The following ZBTB8B variants were observed in gnomAD, a reference collection of about 807,000 sequenced individuals.
ZBTB8B encodes the protein zinc finger and BTB domain-containing protein 8B.
ZBTB8B carries 17 observed loss-of-function variants against 30.3 expected under a neutral mutation model. That is an observed-to-expected ratio of 0.56 (90% CI 0.38 to 0.84). The LOEUF is 0.84. Ranked by LOEUF, ZBTB8B falls within the 40% of genes least tolerant of loss-of-function variation. The probability of loss-of-function intolerance (pLI) is 0.00; values close to 1 mark genes in which losing one functional copy is unlikely to be tolerated. For missense variants in ZBTB8B, 515 were observed against 644.9 expected (o/e 0.80, Z 2.18); for synonymous variants, 248 against 255.6 (o/e 0.97, Z 0.28).
rs536893375 is a variant in ZBTB8B at position 32,471,014 on chromosome 1, G to A, written c.390G>A (p.Lys130=). 2.9e-4 allele frequency: 451 copies of A among 1,552,080 alleles called. No homozygotes were observed. In the African/African-American group the frequency reaches 5.2e-3, roughly 18 times the overall value. ...TCGACATTTGCCGAAAGATGGAGAA[G>A]GAGGCTGCTGTGGCTGCAGCAGTGG... ...SSLDICRKME[K]EAAVAAAVAA... The change falls in exon 2 of 4, where the codon AAG becomes AAA. Residue 130 remains lysine, a synonymous_variant. Coordinates refer to ENST00000609129, the MANE Select transcript of ZBTB8B (RefSeq NM_001145720.2).
rs1161390191 is a variant in ZBTB8B, at chr1:32,484,676, G to T, written c.1171-425G>T. Among the ~76,000 whole-genome samples the T allele has an allele frequency of 6.6e-6, 1 of 152,068 alleles. No homozygotes were observed. The highest frequency in any genetic ancestry group is 1.5e-5 in the Non-Finnish European group (1 of 68,024). ...TCATGGTTTAACGCCATCCCTACTT[G>T]GTGCTGTCATCGTGATAGTGAGTTT... is the stretch of plus-strand genomic sequence containing the variant. On this transcript the variant is annotated intron_variant, in intron 3 of 3. Coordinates refer to ENST00000609129, the MANE Select transcript of ZBTB8B (RefSeq NM_001145720.2). This position sits in a 1 kb window ranked among gnomAD's most constrained non-coding sequence, Gnocchi z 4.5.
intron 3 of ZBTB8B, among the ~76,000 whole-genome samples, chr1:32,482,669 CAAAAA>C (rs1050028688): frequency 2.5e-5 from 1 of 40,078 alleles, no homozygotes; most frequent in Non-Finnish European, 4.9e-5. Flanking sequence ...GACTCCGTGT[CAAAAA>C]AAAAAAAAAA....
At chr1:32,483,416 C>T (rs12049448) in intron 3 of ZBTB8B, among the ~76,000 whole-genome samples, 3 of 151,588 alleles carry the variant, frequency 2.0e-5, no homozygotes, top group South Asian at 2.1e-4. Flanking sequence ...CAGAGCAAGA[C>T]GGCGTCTCAA....
rs1471751029 is a variant in ZBTB8B at position 32,478,006 on chromosome 1, G to A, written c.992-2885G>A. ...TGGGAGACGGAGGTTGCAGTGAGCC[G>A]AGACTGTGCCATTGTACTCCAGCCT... On this transcript the variant is annotated intron_variant, in intron 2 of 3. Coordinates refer to ENST00000609129, the MANE Select transcript of ZBTB8B (RefSeq NM_001145720.2). Among the ~76,000 whole-genome samples, 16 of 149,296 alleles carry A rather than the reference G, an allele frequency of 1.1e-4. No homozygotes were observed. In the East Asian group the frequency reaches 2.4e-3, roughly 23 times the overall value.
Position 32,471,179 on chromosome 1 carries a change from C to A in ZBTB8B, c.555C>A (p.Ser185Arg), listed in dbSNP as rs976866374. The change falls in exon 2 of 4, where the codon AGC becomes AGA. Residue 185 changes from serine to arginine, a missense_variant. Physicochemically the swap from Ser to Arg is moderately radical, Grantham distance 110 (BLOSUM62 -1). This residue lies in a region of ZBTB8B where 429 missense variants were observed against 504.3 expected (regional missense o/e 0.85). Transcript: ENST00000609129. ...CCTCTCCAGCCGAGGGAGAAAAGAG[C>A]GTGGAGTGCCTGAGAGAGTCCCCTT... ...LVSSPAEGEK[S>R]VECLRESPCG... 1.5e-4 allele frequency: 228 copies of A among 1,551,864 alleles called. No individual in the cohort carries two copies. In the East Asian group the frequency reaches 5.2e-3, roughly 35 times the overall value.
At chr1:32,467,352 A>G (rs759659435) in intron 1 of ZBTB8B, among the ~76,000 whole-genome samples, 6 of 151,578 alleles carry the variant, frequency 4.0e-5, no homozygotes, top group Non-Finnish European at 8.8e-5. Context: ...CCTGGGTTCA[A>G]GTGATTCTCC....
intron 3 of ZBTB8B, among the ~76,000 whole-genome samples, chr1:32,482,588 T>C (rs1181334087): frequency 6.7e-6 from 1 of 149,516 alleles, no homozygotes; most frequent in Non-Finnish European, 1.5e-5. Context: ...GGAGAACTGC[T>C]TGAACCCGGG....
chr1:32,466,706 A>C (rs369084078), intron 1 of ZBTB8B, among the ~76,000 whole-genome samples: 4 of 152,302 alleles, frequency 2.6e-5, no homozygotes, highest in African/African-American at 9.6e-5. Context: ...AAGAAAGCCA[A>C]AAGAAATTGG....
rs1419396962 is a variant in ZBTB8B, at chr1:32,487,423, C to T, written c.*2005C>T. On this transcript the variant is annotated 3_prime_UTR_variant, in exon 4 of 4. Transcript: ENST00000609129. ...TTCTTGAGTGAGGTATGGACCAGTT[C>T]AGTTCTGGTCAGCTAGAGGGCCACA... 6.6e-6 allele frequency: 1 copy of T among 152,250 alleles called. No homozygotes were observed. Among genetic ancestry groups the T allele is most frequent in the Non-Finnish European group, 1.5e-5 (1 of 68,070 alleles). 9.4% of individuals were successfully genotyped at this position (152,250 alleles called of 1,614,324 possible).
In ZBTB8B at chr1:32,470,575, T is replaced by A; in HGVS notation, c.-41-9T>A. 2.2e-6 allele frequency: 3 copies of A among 1,365,080 alleles called. No homozygotes were observed. The highest frequency in any genetic ancestry group is 3.2e-5 in the East Asian group (1 of 31,726). The allele number at this position is 1,365,080 out of a possible 1,614,324, so 84.6% of individuals were successfully genotyped here. A position where few individuals can be genotyped will look rare whatever the true frequency, so the allele number is the denominator to read the frequency against. On this transcript the variant is annotated splice_polypyrimidine_tract_variant and intron_variant, in intron 1 of 3. Coordinates refer to ENST00000609129, the MANE Select transcript of ZBTB8B (RefSeq NM_001145720.2). ...GATTTGTGAATTAACTTAAGAAAAATCTTGGCAGAGATACAGGTTTGCTCT... is the reference window on the plus strand; with the variant it reads ...GATTTGTGAATTAACTTAAGAAAAAACTTGGCAGAGATACAGGTTTGCTCT...
Position 32,484,970 on chromosome 1 carries a change from T to C in ZBTB8B, c.1171-131T>C. 3.9e-6 allele frequency: 3 copies of C among 766,464 alleles called. No individual in the cohort carries two copies. The highest frequency in any genetic ancestry group is 6.4e-6 in the Non-Finnish European group (3 of 468,366). The allele number at this position is 766,464 out of a possible 1,614,324, so 47.5% of individuals were successfully genotyped here. ...CAAGAACAGACTAATACAAAGACTG[T>C]GGCAGAGAATGCAGGTGGAGTGCTG... On this transcript the variant is annotated intron_variant, in intron 3 of 3. Coordinates refer to ENST00000609129, the MANE Select transcript of ZBTB8B (RefSeq NM_001145720.2). The surrounding 1 kb of genome is among the most constrained non-coding windows in gnomAD (Gnocchi z 4.5).
Position 32,490,715 on chromosome 1 carries a change from G to C in ZBTB8B, c.*5297G>C, listed in dbSNP as rs1303616759. On this transcript the variant is annotated 3_prime_UTR_variant, in exon 4 of 4. Coordinates refer to ENST00000609129, the MANE Select transcript of ZBTB8B (RefSeq NM_001145720.2). ...TGCCATTCTCCTGCCTCAGCCTCCTGAGTAGCTGGGACTACAGGCACCCGC... is the reference window on the plus strand; with the variant it reads ...TGCCATTCTCCTGCCTCAGCCTCCTCAGTAGCTGGGACTACAGGCACCCGC... 6.6e-6 allele frequency: 1 copy of C among 152,068 alleles called. No homozygotes were observed. The highest frequency in any genetic ancestry group is 1.5e-5 in the Non-Finnish European group (1 of 68,026). The allele number at this position is 152,068 out of a possible 1,614,324, so 9.4% of individuals were successfully genotyped here.
Position 32,471,439 on chromosome 1 carries a change from A to G in ZBTB8B, c.815A>G (p.Tyr272Cys). The change falls in exon 2 of 4, where the codon TAC (tyrosine) becomes TGC (cysteine). Residue 272 changes from tyrosine to cysteine, a missense_variant. Tyr to Cys is a radical substitution (Grantham distance 194, BLOSUM62 -2). Coordinates refer to ENST00000609129, the MANE Select transcript of ZBTB8B (RefSeq NM_001145720.2). The stretch of plus-strand genomic sequence containing the variant: ...AGCGGCCAGGCGGTTGACTTGGCTT[A>G]CAGCAACTACCACGTGAAGCAGTTC... ...LPSGQAVDLA[Y>C]SNYHVKQFLE... The G allele has an allele frequency of 6.4e-7, 1 of 1,551,812 alleles. No homozygotes were observed. The highest frequency in any genetic ancestry group is 8.7e-7 in the Non-Finnish European group (1 of 1,147,022).
rs1557680845 is a variant in ZBTB8B, at chr1:32,471,037, TGGCGGCGGCAGCGGC to T, written c.420_434del (p.Ala149_Ala153del). ...AAGGAGGCTGCTGTGGCTGCAGCAG[TGGCGGCGGCAGCGGC>T]GGCGGCTGCAGCGGCGGCAGCAGCG... On this transcript the variant is annotated inframe_deletion, in exon 2 of 4. Transcript: ENST00000609129. 1 of 1,549,618 alleles carries T rather than the reference TGGCGGCGGCAGCGGC, an allele frequency of 6.5e-7. No homozygotes were observed. The highest frequency in any genetic ancestry group is 8.7e-7 in the Non-Finnish European group (1 of 1,145,624).
chr1:32,474,557 A>G (rs1047562315), intron 2 of ZBTB8B, among the ~76,000 whole-genome samples: 7 of 151,894 alleles, frequency 4.6e-5, no homozygotes, highest in African/African-American at 7.3e-5. Flanking sequence ...AAAGAAAAAA[A>G]AAAGAAACAC....
rs1036904653 is a variant in ZBTB8B, at chr1:32,488,307, T to G, written c.*2889T>G. The G allele has an allele frequency of 7.9e-5, 12 of 152,232 alleles. No homozygotes were observed. The highest frequency in any genetic ancestry group is 2.4e-4 in the African/African-American group (10 of 41,460). The allele number at this position is 152,232 out of a possible 1,614,324, so 9.4% of individuals were successfully genotyped here. On this transcript the variant is annotated 3_prime_UTR_variant, in exon 4 of 4. Transcript: ENST00000609129. ...AGCAAAAAGGAAACCTAAATGGATGTGTAGAAGATTTACTTGGCCAGGAAC... is the reference window on the plus strand; with the variant it reads ...AGCAAAAAGGAAACCTAAATGGATGGGTAGAAGATTTACTTGGCCAGGAAC...
rs971341722 is a variant in ZBTB8B at position 32,484,992 on chromosome 1, G to A, written c.1171-109G>A. On this transcript the variant is annotated intron_variant, in intron 3 of 3. Coordinates refer to ENST00000609129, the MANE Select transcript of ZBTB8B (RefSeq NM_001145720.2). The surrounding 1 kb of genome is among the most constrained non-coding windows in gnomAD (Gnocchi z 4.5). Reference sequence around the variant, plus strand: ...CTGTGGCAGAGAATGCAGGTGGAGTGCTGAAAAAGGAATCGGGAGGATCAG... The same window carrying A: ...CTGTGGCAGAGAATGCAGGTGGAGTACTGAAAAAGGAATCGGGAGGATCAG... The A allele has an allele frequency of 9.9e-7, 1 of 1,012,736 alleles. No individual in the cohort carries two copies. The highest frequency in any genetic ancestry group is 1.5e-6 in the Non-Finnish European group (1 of 684,206). The allele number at this position is 1,012,736 out of a possible 1,614,324, so 62.7% of individuals were successfully genotyped here.
In ZBTB8B at chr1:32,488,634, T is replaced by G. The variant is rs1441331728; in HGVS notation, c.*3216T>G. 1 of 152,190 alleles carries G rather than the reference T, an allele frequency of 6.6e-6. No homozygotes were observed. Among genetic ancestry groups the G allele is most frequent in the East Asian group, 1.9e-4 (1 of 5,200 alleles). The allele number at this position is 152,190 out of a possible 1,614,324, so 9.4% of individuals were successfully genotyped here. A position where few individuals can be genotyped will look rare whatever the true frequency, so the allele number is the denominator to read the frequency against. ...ACAGGACAGTCCCCACAACAATGAA[T>G]TCTCCAATTCAAAATGTCAGTAATA... On this transcript the variant is annotated 3_prime_UTR_variant, in exon 4 of 4. Transcript: ENST00000609129.
intron 1 of ZBTB8B, among the ~76,000 whole-genome samples, chr1:32,466,325 G>A (rs1643570057): frequency 2.0e-5 from 3 of 152,160 alleles, no homozygotes; most frequent in South Asian, 4.1e-4. Context: ...CTGGAGGACA[G>A]GCACTATACT....
Sources: allele counts gnomAD v4.1 joint callset (sites outside exome capture counted in the v4.1 genomes callset), GRCh38; gene constraint gnomAD v4.1.1; regional missense constraint gnomAD v4.1.1; non-coding constraint Gnocchi (gnomAD v3.1); transcripts MANE v1.5; gene names NCBI Gene and HGNC (gene_info 2026-07-23, HGNC 2026-07-21).